MYO16: variants seen among roughly 807,000 people sequenced by gnomAD.
MYO16 encodes the protein myosin XVI.
A neutral mutation model predicts 205.3 loss-of-function variants in MYO16; 94 were observed. That is an observed-to-expected ratio of 0.46 (90% CI 0.39 to 0.54). The LOEUF (loss-of-function observed/expected upper bound fraction) is 0.54. Ranked by LOEUF, MYO16 falls within the 20% of genes least tolerant of loss-of-function variation. The pLI is 0.00. For missense variants in MYO16, 2,315 were observed against 2,387.5 expected, an observed-to-expected ratio of 0.97 and a Z score of 0.63; for synonymous variants, 988 against 954.0, an observed-to-expected ratio of 1.04 and a Z score of -0.66.
the MYO16 span, among the ~76,000 whole-genome samples, chr13:108,517,944 T>C: frequency 0.027 from 4,152 of 152,266 alleles, 193 homozygotes; most frequent in African/African-American, 0.093. Flanking sequence ...GCCTCTGTTA[T>C]GAGGCACTAA....
chr13:108,709,692 T>C (rs915005816), intron 2 of MYO16, among the ~76,000 whole-genome samples: 1 of 135,756 alleles, frequency 7.4e-6, no homozygotes, highest in Non-Finnish European at 1.6e-5. Context: ...CATTGTATCT[T>C]CACATTTAGG....
rs1268209137 is a variant in MYO16 at position 109,142,688 on chromosome 13, T to C, written c.5164+1312T>C. Among the ~76,000 whole-genome samples the C allele has an allele frequency of 1.3e-5, 2 of 152,054 alleles. 1 individual carries two copies. The highest frequency in any genetic ancestry group is 4.8e-5 in the African/African-American group (2 of 41,342). On this transcript the variant is annotated intron_variant, in intron 32 of 34. Transcript: ENST00000457511. ...ATTGCTTTTTGCAACCAATCAGATGTTTGCACAGGAGTGTGATCTTTTAAC... is the reference window on the plus strand; with the variant it reads ...ATTGCTTTTTGCAACCAATCAGATGCTTGCACAGGAGTGTGATCTTTTAAC...
chr13:108,500,144 C>A, the MYO16 span, among the ~76,000 whole-genome samples: 1 of 151,480 alleles, frequency 6.6e-6, no homozygotes, highest in Non-Finnish European at 1.5e-5. Context: ...CTCACATCCA[C>A]ACTGGAATCC....
At chr13:108,929,970 T>G (rs1882182389) in intron 16 of MYO16, among the ~76,000 whole-genome samples, 1 of 152,168 alleles carries the variant, frequency 6.6e-6, no homozygotes, top group African/African-American at 2.4e-5. Flanking sequence ...TAAGAATAGA[T>G]CTATAAACCT....
At chr13:108,503,602 G>T in the MYO16 span, among the ~76,000 whole-genome samples, 1 of 152,146 alleles carries the variant, frequency 6.6e-6, no homozygotes, top group Non-Finnish European at 1.5e-5. Flanking sequence ...ATGTGCCTTT[G>T]CAGGTGCTAC....
intron 13 of MYO16, 90 bp from the exon 14 acceptor site, chr13:108,888,282 G>T (rs1879995822): frequency 4.8e-6 from 4 of 832,356 alleles, no homozygotes; most frequent in Non-Finnish European, 5.6e-6. Context: ...TTTTTTACTT[G>T]TTCCTTCAAA....
intron 4 of MYO16, among the ~76,000 whole-genome samples, chr13:108,733,684 C>T (rs9520993): frequency 0.24 from 36,535 of 152,096 alleles, 5,396 homozygotes; most frequent in East Asian, 0.54. Flanking sequence ...AGTAGAGGGC[C>T]GGGCGTGGTG....
At chr13:108,510,405 C>T in the MYO16 span, among the ~76,000 whole-genome samples, 1 of 146,704 alleles carries the variant, frequency 6.8e-6, no homozygotes, top group Non-Finnish European at 1.5e-5. Flanking sequence ...GCGTGAGCCA[C>T]CATGCCCGGT....
intron 1 of MYO16, among the ~76,000 whole-genome samples, chr13:108,655,282 A>G (rs896365111): frequency 1.3e-5 from 2 of 152,132 alleles, no homozygotes; most frequent in African/African-American, 4.8e-5. Context: ...CTCTCCAGCT[A>G]TTGCTAAAAG....
chr13:109,120,214 A>T (rs1221757244), intron 28 of MYO16, among the ~76,000 whole-genome samples, 156 bp from the exon 29 acceptor site: 1 of 152,212 alleles, frequency 6.6e-6, no homozygotes, highest in Non-Finnish European at 1.5e-5. Context: ...ATTTTGATTA[A>T]ATGTAATAGT....
At chr13:109,056,126 G>A (rs1476734626) in intron 27 of MYO16, 1 of 153,290 alleles carries the variant, frequency 6.5e-6, no homozygotes, top group African/African-American at 2.4e-5. Flanking sequence ...GTGCCATGGT[G>A]TAAAATATTT....
chr13:108,801,332 T>C (rs1007240470), intron 6 of MYO16, among the ~76,000 whole-genome samples: 1 of 152,222 alleles, frequency 6.6e-6, no homozygotes, highest in African/African-American at 2.4e-5. Flanking sequence ...TCTGTGCAAA[T>C]ACATTCTTTC....
At chr13:108,534,383 C>G in the MYO16 span, among the ~76,000 whole-genome samples, 652 of 152,036 alleles carry the variant, frequency 4.3e-3, 3 homozygotes, top group Non-Finnish European at 6.9e-3. Context: ...TTCATTAGCC[C>G]CAGAAGAAAC....
At chr13:108,659,864 A>C (rs1881423449) in intron 1 of MYO16, among the ~76,000 whole-genome samples, 1 of 152,230 alleles carries the variant, frequency 6.6e-6, no homozygotes. Context: ...TAAAGCAATA[A>C]GAAAATATAT....
At chr13:108,998,749 G>C (rs958087978) in intron 21 of MYO16, among the ~76,000 whole-genome samples, 5 of 152,154 alleles carry the variant, frequency 3.3e-5, no homozygotes, top group African/African-American at 7.2e-5. Flanking sequence ...GAATCTAGAG[G>C]GTGACACTGG....
Position 108,665,957 on chromosome 13 carries a change from C to T in MYO16, c.100C>T (p.Pro34Ser), listed in dbSNP as rs763627766. 6.2e-7 allele frequency: 1 copy of T among 1,614,124 alleles called. No individual in the cohort carries two copies. Among genetic ancestry groups the T allele is most frequent in the South Asian group, 1.1e-5 (1 of 91,080 alleles). ...CGACCAGTGCTTGCTAGAGTCCCTT[C>T]CCCTTGGCCAACGGCAGCGTCTAGT... ...EIDQCLLESL[P>S]LGQRQRLVKR... Residue 34 changes from proline (P) to serine (S), a missense_variant, in exon 2 of 35, where the codon CCC becomes TCC. Pro to Ser is a moderately conservative substitution (Grantham distance 74). This residue lies in a region of MYO16 where 1,213 missense variants were observed against 1,274.4 expected (regional missense o/e 0.95). Coordinates refer to ENST00000457511, the MANE Select transcript of MYO16 (RefSeq NM_001198950.3).
chr13:108,555,326 CA>C, the MYO16 span, among the ~76,000 whole-genome samples: 1 of 151,990 alleles, frequency 6.6e-6, no homozygotes, highest in South Asian at 2.1e-4. Context: ...TCTAAATTGA[CA>C]AATAAAAATT....
At chr13:109,146,289 AT>A (rs1877326597) in intron 32 of MYO16, among the ~76,000 whole-genome samples, 1 of 152,174 alleles carries the variant, frequency 6.6e-6, no homozygotes, top group Non-Finnish European at 1.5e-5. Flanking sequence ...TTTATAAACA[AT>A]TTTTTTACAA....
intron 1 of MYO16, among the ~76,000 whole-genome samples, chr13:108,642,708 G>C (rs2038937): frequency 1.3e-5 from 2 of 152,150 alleles, no homozygotes; most frequent in Admixed American, 6.5e-5. Context: ...GTGAGCCACC[G>C]TGCCCGGCCT....
Sources: allele counts gnomAD v4.1 joint callset (sites outside exome capture counted in the v4.1 genomes callset), GRCh38; gene constraint gnomAD v4.1.1; regional missense constraint gnomAD v4.1.1; transcripts MANE v1.5; gene names NCBI Gene and HGNC (gene_info 2026-07-23, HGNC 2026-07-21).